Variants in CYP7B1 observed in about 807,000 individuals in gnomAD.
CYP7B1 encodes cytochrome P450 family 7 subfamily B member 1.
CYP7B1 carries 29 observed loss-of-function variants against 42.7 expected under a neutral mutation model. The ratio of observed to expected loss-of-function variants is 0.68; its 90% CI spans 0.51 to 0.93. CYP7B1 has a LOEUF of 0.93. Among genes scored for constraint, CYP7B1 ranks in the 40% least tolerant of loss-of-function variants. The pLI, the probability that CYP7B1 is intolerant of heterozygous loss-of-function variation, is 0.00. For synonymous variants in CYP7B1, 235 were observed against 218.2 expected, an observed-to-expected ratio of 1.08 and a Z score of -0.68; for missense variants, 655 against 600.5, an observed-to-expected ratio of 1.09 and a Z score of -0.95.
Position 64,693,274 on chromosome 8 carries a change from C to T in CYP7B1, c.123-68735G>A, listed in dbSNP as rs527825932. On this transcript the variant is annotated intron_variant, in intron 1 of 5. Transcript: ENST00000310193. ...ACATTTGTGTAAGTGTGCATGTGTG[C>T]ATGCACATGTATACATTTCTATATG... Among the ~76,000 whole-genome samples the T allele has an allele frequency of 1.9e-3, 293 of 152,326 alleles. 3 individuals carry two copies. The highest frequency in any genetic ancestry group is 6.7e-3 in the African/African-American group (277 of 41,574).
chr8:64,738,454 T>C (rs1418175771), intron 1 of CYP7B1, among the ~76,000 whole-genome samples: 1 of 152,186 alleles, frequency 6.6e-6, no homozygotes, highest in African/African-American at 2.4e-5. Flanking sequence ...CAGATCATTG[T>C]TCTCTTTTCA....
chr8:64,622,947 G>T (rs1805553242), intron 2 of CYP7B1, among the ~76,000 whole-genome samples: 1 of 152,156 alleles, frequency 6.6e-6, no homozygotes, highest in African/African-American at 2.4e-5. Context: ...GCCCCAGTGA[G>T]AGTGGGGAGT....
intron 1 of CYP7B1, among the ~76,000 whole-genome samples, chr8:64,677,611 T>TA (rs1339026601): frequency 2.7e-5 from 4 of 148,648 alleles, no homozygotes; most frequent in African/African-American, 7.4e-5. Flanking sequence ...AAATCTAATC[T>TA]AAAATCACTG....
intron 1 of CYP7B1, among the ~76,000 whole-genome samples, chr8:64,710,705 T>C (rs970499402): frequency 2.6e-5 from 4 of 152,000 alleles, no homozygotes; most frequent in Non-Finnish European, 5.9e-5. Flanking sequence ...ATTTCATGAA[T>C]GGATAAATCC....
chr8:64,586,696 C>A (rs1186895381), downstream of CYP7B1, among the ~76,000 whole-genome samples: 6 of 152,228 alleles, frequency 3.9e-5, no homozygotes, highest in Non-Finnish European at 8.8e-5. Context: ...ACCTGACTAT[C>A]AGAAACATGA....
intron 2 of CYP7B1, among the ~76,000 whole-genome samples, chr8:64,619,771 A>G (rs1216508259): frequency 4.6e-5 from 7 of 152,242 alleles, no homozygotes; most frequent in Non-Finnish European, 1.0e-4. Flanking sequence ...GTATTTTAAA[A>G]ATTCAGTCAT....
intron 1 of CYP7B1, among the ~76,000 whole-genome samples, chr8:64,673,207 T>C (rs1442160332): frequency 6.6e-6 from 1 of 152,120 alleles, no homozygotes; most frequent in Non-Finnish European, 1.5e-5. Flanking sequence ...TTGAGATAAA[T>C]TGGCTTGGAC....
intron 1 of CYP7B1, among the ~76,000 whole-genome samples, chr8:64,702,211 C>G (rs541057690): frequency 6.6e-6 from 1 of 152,148 alleles, no homozygotes; most frequent in African/African-American, 2.4e-5. Context: ...AAAATAACCT[C>G]TGCACTGCAC....
At chr8:64,770,814 A>C (rs553709262) in intron 1 of CYP7B1, among the ~76,000 whole-genome samples, 3 of 152,104 alleles carry the variant, frequency 2.0e-5, no homozygotes, top group Non-Finnish European at 4.4e-5. Flanking sequence ...GGGGAAATCT[A>C]AACACGCTTT....
intron 1 of CYP7B1, among the ~76,000 whole-genome samples, chr8:64,731,184 G>T (rs1374789681): frequency 3.3e-5 from 5 of 152,162 alleles, no homozygotes; most frequent in Admixed American, 3.3e-4. Flanking sequence ...GGAGTGGGGT[G>T]ATGCTGCAGA....
chr8:64,612,369 T>C lies in CYP7B1; in HGVS notation c.1057+2657A>G, dbSNP rs570441634. Among the ~76,000 whole-genome samples the C allele has an allele frequency of 4.9e-4, 74 of 152,228 alleles. 1 individual carries two copies. Among genetic ancestry groups the C allele is most frequent in the African/African-American group, 1.5e-3 (61 of 41,574 alleles). ...ATGTAATTATAGAGATCTTAACTAA[T>C]TATTAATAGATAAAATGTTTTACTG... On this transcript the variant is annotated intron_variant, in intron 4 of 5. Coordinates refer to ENST00000310193, the MANE Select transcript of CYP7B1 (RefSeq NM_004820.5).
chr8:64,606,151 G>A (rs1329274456), intron 4 of CYP7B1, among the ~76,000 whole-genome samples: 2 of 152,186 alleles, frequency 1.3e-5, no homozygotes, highest in Non-Finnish European at 2.9e-5. Flanking sequence ...GTACAGTGAG[G>A]CAGTGCATAT....
chr8:64,767,611 T>C (rs1056763619), intron 1 of CYP7B1, among the ~76,000 whole-genome samples: 4 of 152,214 alleles, frequency 2.6e-5, no homozygotes, highest in Admixed American at 6.5e-5. Flanking sequence ...TAGGCATTGA[T>C]AGCACCCATC....
chr8:64,661,148 A>G (rs1052064323), intron 1 of CYP7B1, among the ~76,000 whole-genome samples: 1 of 152,210 alleles, frequency 6.6e-6, no homozygotes, highest in Non-Finnish European at 1.5e-5. Context: ...TTACAGAAGG[A>G]TAAGGTTTTG....
chr8:64,712,598 T>C (rs1173436831), intron 1 of CYP7B1, among the ~76,000 whole-genome samples: 2 of 151,978 alleles, frequency 1.3e-5, no homozygotes, highest in Non-Finnish European at 2.9e-5. Flanking sequence ...AAATACACTC[T>C]TGAATTTTTA....
chr8:64,650,984 G>A (rs1806029766), intron 1 of CYP7B1, among the ~76,000 whole-genome samples: 1 of 152,302 alleles, frequency 6.6e-6, no homozygotes, highest in Non-Finnish European at 1.5e-5. Context: ...AAATGTACTT[G>A]CAAGTGCTGA....
At chr8:64,659,616 C>T (rs557301203) in intron 1 of CYP7B1, among the ~76,000 whole-genome samples, 25 of 152,204 alleles carry the variant, frequency 1.6e-4, no homozygotes, top group Non-Finnish European at 3.4e-4. Context: ...TTTCCTTGTA[C>T]AAAGATCACT....
In CYP7B1 at chr8:64,659,400, C is replaced by T. The variant is rs1435090221; in HGVS notation, c.123-34861G>A. Among the ~76,000 whole-genome samples, 3 of 152,048 alleles carry T rather than the reference C, an allele frequency of 2.0e-5. No homozygotes were observed. The East Asian group carries it at 5.8e-4, about 29-fold the overall frequency. On this transcript the variant is annotated intron_variant, in intron 1 of 5. Transcript: ENST00000310193. ...ACCTATAGCATCCTTTAAAATAGGC[C>T]GTGCAGTATTCCCCTGAATAAATAT...
intron 1 of CYP7B1, among the ~76,000 whole-genome samples, chr8:64,775,634 T>C (rs1358726783): frequency 2.0e-5 from 3 of 152,080 alleles, no homozygotes; most frequent in African/African-American, 4.8e-5. Context: ...GGAGATAATA[T>C]ATATTAACTG....
Sources: gnomAD v4.1 joint callset for allele counts (sites outside exome capture counted in the v4.1 genomes callset) on GRCh38, gnomAD v4.1.1 for gene constraint, MANE v1.5 for transcripts, NCBI Gene and HGNC (gene_info 2026-07-23, HGNC 2026-07-21) for gene names.